The following SMOC2 variants were observed in gnomAD, a reference collection of about 807,000 sequenced individuals.
SMOC2 encodes the protein SPARC related modular calcium binding 2.
Under a neutral mutation model 61.4 loss-of-function variants are expected in SMOC2, and 39 were observed. The ratio of observed to expected loss-of-function variants is 0.64; its 90% CI spans 0.49 to 0.83. The LOEUF (loss-of-function observed/expected upper bound fraction) is 0.83. Ranked by LOEUF, SMOC2 falls within the 40% of genes least tolerant of loss-of-function variation. SMOC2 has a pLI of 0.00. For missense variants in SMOC2, 556 were observed against 592.9 expected, an observed-to-expected ratio of 0.94 and a Z score of 0.65; for synonymous variants, 247 against 239.9, an observed-to-expected ratio of 1.03 and a Z score of -0.27.
In SMOC2 at chr6:168,641,829, A is replaced by C. The variant is rs769089272; in HGVS notation, c.908-8852A>C. ...TTCTAACCAAGTGCCCACTTCTATC[A>C]GTGTATTAGTTATCAGTGTTAATTC... On this transcript the variant is annotated intron_variant, in intron 9 of 12. Transcript: ENST00000356284. Among the ~76,000 whole-genome samples the C allele has an allele frequency of 2.6e-5, 4 of 152,332 alleles. No homozygotes were observed. The South Asian group carries it at 6.2e-4, about 24-fold the overall frequency.
intron 7 of SMOC2, among the ~76,000 whole-genome samples, chr6:168,582,125 G>C (rs1046984189): frequency 9.2e-5 from 14 of 152,204 alleles, no homozygotes; most frequent in African/African-American, 3.1e-4. Flanking sequence ...GGCACAGAGC[G>C]GGAGCTAAAC....
chr6:168,664,338 C>A, intron 12 of SMOC2: 3 of 479,438 alleles, frequency 6.3e-6, no homozygotes, highest in Non-Finnish European at 1.1e-5. Flanking sequence ...ATTATTTGAA[C>A]TTTCATTTAT....
At chr6:168,622,100 G>A (rs148480183) in intron 9 of SMOC2, among the ~76,000 whole-genome samples, 132 of 152,094 alleles carry the variant, frequency 8.7e-4, no homozygotes, top group African/African-American at 3.2e-3. Flanking sequence ...TGAGTAGCTG[G>A]GACTACAGGC....
intron 7 of SMOC2, among the ~76,000 whole-genome samples, chr6:168,570,069 C>T (rs1014440634): frequency 3.8e-4 from 57 of 151,222 alleles, no homozygotes; most frequent in African/African-American, 1.3e-3. Flanking sequence ...TCTTTGTGTG[C>T]GGATGTCCCG....
At chr6:168,442,610 C>G (rs972557314) in intron 1 of SMOC2, among the ~76,000 whole-genome samples, 4 of 152,128 alleles carry the variant, frequency 2.6e-5, no homozygotes, top group Non-Finnish European at 4.4e-5. Context: ...GGGGACTTGT[C>G]CTAAAGGTGT....
chr6:168,497,352 C>G (rs550306240), intron 1 of SMOC2, among the ~76,000 whole-genome samples: 1 of 152,254 alleles, frequency 6.6e-6, no homozygotes, highest in Admixed American at 6.5e-5. Flanking sequence ...CCCAAAGGGA[C>G]GGCCTCTGCA....
At chr6:168,562,052 C>A (rs368371444) in intron 7 of SMOC2, among the ~76,000 whole-genome samples, 96 of 4,874 alleles carry the variant, frequency 0.02, 1 homozygote, top group East Asian at 0.15. Context: ...TGTCATTTTC[C>A]TGCCCTGAGA....
intron 11 of SMOC2, among the ~76,000 whole-genome samples, chr6:168,663,246 AAGG>A (rs1787567509): frequency 6.6e-6 from 1 of 152,186 alleles, no homozygotes; most frequent in African/African-American, 2.4e-5. Context: ...TGAGAGCAGG[AAGG>A]AGACTTTCCC....
intron 1 of SMOC2, among the ~76,000 whole-genome samples, chr6:168,447,876 G>GC (rs1460713273): frequency 1.3e-5 from 2 of 151,182 alleles, no homozygotes; most frequent in Admixed American, 6.6e-5. Flanking sequence ...GACCTTGCCT[G>GC]CGTCAGGGTG....
At chr6:168,512,598 C>G (rs1446677687) in intron 2 of SMOC2, among the ~76,000 whole-genome samples, 1 of 152,212 alleles carries the variant, frequency 6.6e-6, no homozygotes, top group Non-Finnish European at 1.5e-5. Context: ...ATCCCAAACA[C>G]AAAGTTTAAA....
intron 9 of SMOC2, among the ~76,000 whole-genome samples, chr6:168,614,458 GGAGCCTCTT>G (rs1785994347): frequency 2.1e-5 from 1 of 46,862 alleles, no homozygotes. Flanking sequence ...GCCAGCACAT[GGAGCCTCTT>G]CACACCTACA....
chr6:168,552,871 C>T (rs961077544), intron 7 of SMOC2, among the ~76,000 whole-genome samples: 36 of 145,874 alleles, frequency 2.5e-4, no homozygotes, highest in African/African-American at 9.2e-4. Context: ...CAGCAGAGAG[C>T]CCACCGAGGG....
chr6:168,578,759 C>T (rs1208421249), intron 7 of SMOC2, among the ~76,000 whole-genome samples: 1 of 152,198 alleles, frequency 6.6e-6, no homozygotes, highest in Non-Finnish European at 1.5e-5. Flanking sequence ...AGTTCTGGCT[C>T]AGCAAAAGTG....
chr6:168,563,614 G>A (rs1784474441), intron 7 of SMOC2, among the ~76,000 whole-genome samples: 1 of 152,142 alleles, frequency 6.6e-6, no homozygotes. Flanking sequence ...TGATGAGGTT[G>A]TGAGGGCAAT....
chr6:168,663,999 C>T, intron 11 of SMOC2, 75 bp from the exon 12 acceptor site: 3 of 1,292,150 alleles, frequency 2.3e-6, no homozygotes, highest in Admixed American at 2.0e-5. Flanking sequence ...TGGACTCCTT[C>T]CTGAAATTGT....
chr6:168,457,996 C>T (rs899966290), intron 1 of SMOC2, among the ~76,000 whole-genome samples: 1 of 152,140 alleles, frequency 6.6e-6, no homozygotes, highest in African/African-American at 2.4e-5. Flanking sequence ...TCCTGAAGAT[C>T]CTGCTGCGAG....
At chr6:168,543,827 T>A (rs768923735) in intron 5 of SMOC2, among the ~76,000 whole-genome samples, 155 bp downstream of exon 5, 3 of 152,208 alleles carry the variant, frequency 2.0e-5, no homozygotes, top group Non-Finnish European at 2.9e-5. Flanking sequence ...TGCCATTCAC[T>A]CACGATCACC....
At chr6:168,571,609 C>T (rs73260630) in intron 7 of SMOC2, among the ~76,000 whole-genome samples, 1,561 of 152,230 alleles carry the variant, frequency 0.01, 21 homozygotes, top group African/African-American at 0.036. Context: ...GGAATAGATT[C>T]GTATACTGTG....
chr6:168,546,286 C>T (rs1783997717), intron 5 of SMOC2, among the ~76,000 whole-genome samples: 1 of 143,120 alleles, frequency 7.0e-6, no homozygotes, highest in Non-Finnish European at 1.5e-5. Flanking sequence ...AAGGATGATC[C>T]TGAGAGCACC....
Sources: gnomAD v4.1 joint callset for allele counts (sites outside exome capture counted in the v4.1 genomes callset) on GRCh38, gnomAD v4.1.1 for gene constraint, MANE v1.5 for transcripts, NCBI Gene and HGNC (gene_info 2026-07-23, HGNC 2026-07-21) for gene names.